WDR59: variants seen among roughly 807,000 people sequenced by gnomAD.
WDR59 encodes WD repeat domain 59.
In WDR59, 100 loss-of-function variants were observed where a neutral mutation model predicts 131.2. The observed-to-expected ratio is 0.76, with a 90% CI of 0.65 to 0.90. WDR59 has a LOEUF of 0.90. WDR59 is among the 40% of genes least tolerant of loss of function. The pLI, the probability that WDR59 is intolerant of heterozygous loss-of-function variation, is 0.00. For missense variants in WDR59, 1,203 were observed against 1,262.2 expected, an observed-to-expected ratio of 0.95 and a Z score of 0.71; for synonymous variants, 601 against 466.2, an observed-to-expected ratio of 1.29 and a Z score of -3.72.
At chr16:74,887,446 T>C (rs748754122) in intron 23 of WDR59, among the ~76,000 whole-genome samples, 1 of 152,132 alleles carries the variant, frequency 6.6e-6, no homozygotes, top group African/African-American at 2.4e-5. Context: ...AGTCCCATTG[T>C]CAGTTTCTCA....
chr16:74,936,482 G>A (rs950905376), intron 8 of WDR59, among the ~76,000 whole-genome samples: 2 of 152,002 alleles, frequency 1.3e-5, no homozygotes, highest in East Asian at 1.9e-4. Context: ...GAACTGGATG[G>A]CTTCTGGTTC....
At position 74,906,433 on chromosome 16, in the gene WDR59, G is replaced by A. The variant is rs1035003526; in HGVS notation, c.1713-2333C>T. ...AGAGCAACCAGTGCTCTGAAACATTGCTAGTGACAGGGTAAATGGCACAAC... is the reference window on the plus strand; with the variant it reads ...AGAGCAACCAGTGCTCTGAAACATTACTAGTGACAGGGTAAATGGCACAAC... On this transcript the variant is annotated intron_variant, in intron 17 of 25. Transcript: ENST00000262144. Among the ~76,000 whole-genome samples, 4 of 151,986 alleles carry A rather than the reference G, an allele frequency of 2.6e-5. No homozygotes were observed. In the East Asian group the frequency reaches 7.7e-4, roughly 29 times the overall value.
chr16:74,930,073 A>G (rs995737439), intron 8 of WDR59, among the ~76,000 whole-genome samples: 1 of 152,154 alleles, frequency 6.6e-6, no homozygotes, highest in Non-Finnish European at 1.5e-5. Flanking sequence ...AGAAGTGGGG[A>G]TGGTTAATGG....
In WDR59 at chr16:74,874,215, A is replaced by T; in HGVS notation, c.2919T>A (p.Thr973=). 2 of 1,613,584 alleles carry T rather than the reference A, an allele frequency of 1.2e-6. No homozygotes were observed. Among genetic ancestry groups the T allele is most frequent in the Non-Finnish European group, 1.7e-6 (2 of 1,179,698 alleles). ...ATACCCAACTTCTGTAGGTTCAGAA[A>T]GTGCTTTCAAGCAGGCAGTGGCACC... ...GCGCHCLLES[T]F Residue 973 remains threonine, a synonymous_variant, in exon 26 of 26, where the codon ACT becomes ACA. Coordinates refer to ENST00000262144, the MANE Select transcript of WDR59 (RefSeq NM_030581.4).
chr16:74,969,549 G>A (rs2033900808), intron 1 of WDR59, among the ~76,000 whole-genome samples: 1 of 150,954 alleles, frequency 6.6e-6, no homozygotes, highest in Admixed American at 6.6e-5. Flanking sequence ...GGGACTACAG[G>A]TGTGAGCCAC....
rs941464799 is a variant in WDR59, at chr16:74,965,834, AAC to A, written c.55-14_55-13del. 3.7e-6 allele frequency: 6 copies of A among 1,613,956 alleles called. No individual in the cohort carries two copies. Among genetic ancestry groups the A allele is most frequent in the Non-Finnish European group, 5.1e-6 (6 of 1,180,014 alleles). ...GACATCGCAGTTGCCTGAGAGAGAG[AAC>A]ACAGAGTCAGTGCTGCCAGCAAACC... is the stretch of plus-strand genomic sequence containing the variant. On this transcript the variant is annotated splice_polypyrimidine_tract_variant and intron_variant, in intron 1 of 25. Transcript: ENST00000262144.
At chr16:74,981,862 G>T (rs1242948606) in intron 1 of WDR59, among the ~76,000 whole-genome samples, 1 of 139,566 alleles carries the variant, frequency 7.2e-6, no homozygotes, top group Non-Finnish European at 1.6e-5. Context: ...CACCATGTTG[G>T]CCAGGCTGGT....
rs137956220 is a variant in WDR59, at chr16:74,881,700, G to A, written c.2689+3953C>T. Among the ~76,000 whole-genome samples the A allele has an allele frequency of 2.3e-3, 343 of 151,646 alleles. 2 individuals carry two copies. Among genetic ancestry groups the A allele is most frequent in the African/African-American group, 7.0e-3 (289 of 41,390 alleles). ...CCAGCCTGGCCAACATGGTGAAACC[G>A]TGTCTCTACTAAAAATTTAAAAATT... On this transcript the variant is annotated intron_variant, in intron 25 of 25. Transcript: ENST00000262144.
intron 1 of WDR59, among the ~76,000 whole-genome samples, chr16:74,974,053 C>T (rs1181415453): frequency 1.3e-5 from 2 of 152,098 alleles, no homozygotes; most frequent in Admixed American, 1.3e-4. Flanking sequence ...ACCTGTAATC[C>T]CAGCTACTCA....
intron 2 of WDR59, among the ~76,000 whole-genome samples, chr16:74,961,302 A>AAAC (rs997333309): frequency 3.3e-5 from 5 of 152,232 alleles, no homozygotes; most frequent in South Asian, 4.1e-4. Flanking sequence ...CCTTGTCTCA[A>AAAC]AACAACAACA....
At chr16:74,927,611 T>C (rs1440912989) in intron 8 of WDR59, among the ~76,000 whole-genome samples, 1 of 130,190 alleles carries the variant, frequency 7.7e-6, no homozygotes, top group African/African-American at 2.7e-5. Context: ...AAAAAAAGAA[T>C]TTCCAGGAAG....
chr16:74,897,733 AT>A (rs921153953), intron 18 of WDR59, among the ~76,000 whole-genome samples: 11 of 152,134 alleles, frequency 7.2e-5, no homozygotes, highest in African/African-American at 2.7e-4. Flanking sequence ...AGTGCTGTAA[AT>A]TTTTTTAATC....
At chr16:74,975,151 A>C (rs966059883) in intron 1 of WDR59, among the ~76,000 whole-genome samples, 5 of 152,200 alleles carry the variant, frequency 3.3e-5, no homozygotes, top group Admixed American at 6.5e-5. Flanking sequence ...ACCTGAGGTC[A>C]GGAGTTCAAG....
intron 17 of WDR59, among the ~76,000 whole-genome samples, chr16:74,907,811 C>T (rs911033581): frequency 6.6e-6 from 1 of 152,148 alleles, no homozygotes; most frequent in African/African-American, 2.4e-5. Flanking sequence ...GTGTTTTAAA[C>T]ATTTTTAGAG....
intron 9 of WDR59, among the ~76,000 whole-genome samples, chr16:74,922,870 A>C (rs1233712645): frequency 3.3e-5 from 5 of 152,190 alleles, no homozygotes; most frequent in Non-Finnish European, 7.3e-5. Context: ...AAACCAACTT[A>C]ATACCCAAAT....
At chr16:74,883,303 G>A (rs1008043475) in intron 25 of WDR59, among the ~76,000 whole-genome samples, 8 of 152,066 alleles carry the variant, frequency 5.3e-5, no homozygotes, top group South Asian at 2.1e-4. Flanking sequence ...GATTACAGGC[G>A]TGAGTCACCG....
At chr16:74,877,622 G>A (rs947036836) in intron 25 of WDR59, among the ~76,000 whole-genome samples, 1 of 152,164 alleles carries the variant, frequency 6.6e-6, no homozygotes, top group African/African-American at 2.4e-5. Context: ...TCAGCTCACT[G>A]CAACCTCCGC....
intron 6 of WDR59, among the ~76,000 whole-genome samples, chr16:74,945,815 CTTTTT>C (rs777336166): frequency 7.5e-6 from 1 of 133,016 alleles, no homozygotes; most frequent in Non-Finnish European, 1.6e-5. Context: ...ATTCACATAA[CTTTTT>C]TTTTTTTTTT....
intron 2 of WDR59, among the ~76,000 whole-genome samples, chr16:74,965,265 C>CCA (rs2145194644): frequency 1.0e-5 from 1 of 99,026 alleles, no homozygotes; most frequent in Non-Finnish European, 1.9e-5. Context: ...CCCTTAATTG[C>CCA]CAGTCTTAAA....
Sources: gnomAD v4.1 joint callset for allele counts (sites outside exome capture counted in the v4.1 genomes callset) on GRCh38, gnomAD v4.1.1 for gene constraint, MANE v1.5 for transcripts, NCBI Gene and HGNC (gene_info 2026-07-23, HGNC 2026-07-21) for gene names.